The following SLCO3A1 variants were observed in gnomAD, a reference collection of about 807,000 sequenced individuals.
SLCO3A1 encodes solute carrier organic anion transporter family member 3A1.
A neutral mutation model predicts 63.1 loss-of-function variants in SLCO3A1; 27 were observed. The ratio of observed to expected loss-of-function variants is 0.43; its 90% CI spans 0.32 to 0.59. The LOEUF (loss-of-function observed/expected upper bound fraction) is 0.59. SLCO3A1 is among the 20% of genes least tolerant of loss of function. The pLI, the probability that SLCO3A1 is intolerant of heterozygous loss-of-function variation, is 0.09. For synonymous variants in SLCO3A1, 473 were observed against 409.9 expected (o/e 1.15, Z -1.86); for missense variants, 773 against 945.8 (o/e 0.82, Z 2.40).
At chr15:92,039,172 A>G (rs963229418) in intron 2 of SLCO3A1, among the ~76,000 whole-genome samples, 4 of 152,246 alleles carry the variant, frequency 2.6e-5, no homozygotes, top group African/African-American at 9.6e-5. Flanking sequence ...AGGCATGGGC[A>G]AAGACTTCAT....
chr15:92,113,855 G>T (rs2047759202), intron 4 of SLCO3A1, among the ~76,000 whole-genome samples: 1 of 152,216 alleles, frequency 6.6e-6, no homozygotes, highest in Admixed American at 6.5e-5. Flanking sequence ...TGACATTCTG[G>T]ATTATTGCCC....
At chr15:92,062,957 A>G (rs1260637342) in intron 2 of SLCO3A1, among the ~76,000 whole-genome samples, 1 of 152,252 alleles carries the variant, frequency 6.6e-6, no homozygotes, top group Admixed American at 6.5e-5. Context: ...TTGGAACCTC[A>G]GCATTTCTCA....
intron 2 of SLCO3A1, among the ~76,000 whole-genome samples, chr15:91,984,146 A>T (rs1479420981): frequency 6.6e-6 from 1 of 152,106 alleles, no homozygotes; most frequent in Admixed American, 6.5e-5. Flanking sequence ...TTTCCTGTTT[A>T]ATTGCTTGTC....
In SLCO3A1 at chr15:91,924,171, G is replaced by A. The variant is rs534262460; in HGVS notation, c.646+7713G>A. On this transcript the variant is annotated intron_variant, in intron 2 of 9. Coordinates refer to ENST00000318445, the MANE Select transcript of SLCO3A1 (RefSeq NM_013272.4). ...ATCTGCTCAGGGGTCACAATCTTAAGTGCTGAAGGGGTGCAGCTGATGAAT... is the reference window on the plus strand; with the variant it reads ...ATCTGCTCAGGGGTCACAATCTTAAATGCTGAAGGGGTGCAGCTGATGAAT... Among the ~76,000 whole-genome samples the A allele has an allele frequency of 2.0e-5, 3 of 152,330 alleles. No individual in the cohort carries two copies. The South Asian group carries it at 6.2e-4, about 32-fold the overall frequency.
intron 1 of SLCO3A1, among the ~76,000 whole-genome samples, chr15:91,895,994 A>G (rs975793130): frequency 2.0e-5 from 3 of 152,194 alleles, no homozygotes; most frequent in African/African-American, 7.2e-5. Context: ...TATTCAGTTA[A>G]AAGCACTCAA....
In SLCO3A1 at chr15:91,950,647, G is replaced by A. The variant is rs59863085; in HGVS notation, c.646+34189G>A. ...AATTTCTCATGCACTGCATCTTCCC[G>A]CTGTTTATTTAATGTACATGTTGTC... On this transcript the variant is annotated intron_variant, in intron 2 of 9. Coordinates refer to ENST00000318445, the MANE Select transcript of SLCO3A1 (RefSeq NM_013272.4). This position sits in a 1 kb window ranked among gnomAD's most constrained non-coding sequence, Gnocchi z 4.4. 0.075 allele frequency among the ~76,000 whole-genome samples: 11,359 copies of A among 152,168 alleles called. 1,137 individuals are homozygous for A. The highest frequency in any genetic ancestry group is 0.23 in the African/African-American group (9,484 of 41,458).
intron 5 of SLCO3A1, among the ~76,000 whole-genome samples, chr15:92,122,855 G>A (rs1329785806): frequency 6.6e-6 from 1 of 152,198 alleles, no homozygotes; most frequent in East Asian, 1.9e-4. Context: ...CCTCAATGTG[G>A]TTGAATCTCA....
intron 2 of SLCO3A1, among the ~76,000 whole-genome samples, chr15:91,959,330 C>T (rs1900350636): frequency 6.6e-6 from 1 of 152,066 alleles, no homozygotes; most frequent in Non-Finnish European, 1.5e-5. Flanking sequence ...GTACAGTGAA[C>T]ACTGCTCGGG....
chr15:92,047,491 AT>A lies in SLCO3A1; in HGVS notation c.647-47389del, dbSNP rs1210126584. Among the ~76,000 whole-genome samples the A allele has an allele frequency of 8.9e-4, 17 of 19,074 alleles. 2 individuals are homozygous for A. The East Asian group carries it at 0.015, about 17-fold the overall frequency. The allele number at this position is 19,074 out of a possible 152,430, so 12.5% of individuals were successfully genotyped here. Reference sequence around the variant, plus strand: ...TATATAAATATATATAAATATATATATAAATATATATAAATATATATAAATA... The same window carrying A: ...TATATAAATATATATAAATATATATAAAATATATATAAATATATATAAATA... On this transcript the variant is annotated intron_variant, in intron 2 of 9. Transcript: ENST00000318445.
At chr15:92,064,794 T>C (rs2047129594) in intron 2 of SLCO3A1, among the ~76,000 whole-genome samples, 1 of 152,176 alleles carries the variant, frequency 6.6e-6, no homozygotes, top group Non-Finnish European at 1.5e-5. Flanking sequence ...ATGTTCTCAC[T>C]TATATGTAGG....
intron 2 of SLCO3A1, among the ~76,000 whole-genome samples, chr15:91,924,146 A>G (rs1230797209): frequency 1.3e-5 from 2 of 152,142 alleles, no homozygotes; most frequent in African/African-American, 4.8e-5. Flanking sequence ...CCCCTTCCAC[A>G]TCTGCTCAGG....
chr15:92,091,079 T>G lies in SLCO3A1; in HGVS notation c.647-3802T>G, dbSNP rs143014970. Among the ~76,000 whole-genome samples the G allele has an allele frequency of 2.1e-3, 325 of 152,330 alleles. 2 individuals are homozygous for G. The highest frequency in any genetic ancestry group is 7.3e-3 in the African/African-American group (304 of 41,572). On this transcript the variant is annotated intron_variant, in intron 2 of 9. Transcript: ENST00000318445. ...AAAACCTGGGCAATCCTTCCCACTG[T>G]GCTGCTTTCTAGCAACGTGCTGGGG...
At position 92,055,066 on chromosome 15, in the gene SLCO3A1, C is replaced by T. The variant is rs182632903; in HGVS notation, c.647-39815C>T. ...TGGTTGAACTAGTTTACATTCCCAC[C>T]AACAGTGTAAAAGCATTCCTATTCC... is the stretch of plus-strand genomic sequence containing the variant. On this transcript the variant is annotated intron_variant, in intron 2 of 9. Transcript: ENST00000318445. Among the ~76,000 whole-genome samples, 61 of 152,300 alleles carry T rather than the reference C, an allele frequency of 4.0e-4. 1 individual carries two copies. Among genetic ancestry groups the T allele is most frequent in the Non-Finnish European group, 7.4e-5 (5 of 68,024 alleles).
intron 2 of SLCO3A1, among the ~76,000 whole-genome samples, chr15:91,927,082 G>A (rs1899056442): frequency 6.6e-6 from 1 of 152,022 alleles, no homozygotes; most frequent in South Asian, 2.1e-4. Context: ...CTTACAACAG[G>A]AAGCATATAA....
chr15:92,010,938 C>A (rs1378602881), intron 2 of SLCO3A1, among the ~76,000 whole-genome samples: 2 of 152,232 alleles, frequency 1.3e-5, no homozygotes, highest in African/African-American at 2.4e-5. Context: ...TTGTGTCTTA[C>A]ATGGATCTTC....
rs541496649 is a variant in SLCO3A1 at position 91,982,135 on chromosome 15, C to T, written c.646+65677C>T. 5.3e-5 allele frequency among the ~76,000 whole-genome samples: 8 copies of T among 152,372 alleles called. No homozygotes were observed. In the South Asian group the frequency reaches 8.3e-4, roughly 16 times the overall value. On this transcript the variant is annotated intron_variant, in intron 2 of 9. Transcript: ENST00000318445. ...CTGCCCAAAGAGCTCTTGCCAATGC[C>T]GTGGCTCTTGCTAATATTTGATGAT...
intron 7 of SLCO3A1, among the ~76,000 whole-genome samples, chr15:92,131,675 T>G (rs1483985003): frequency 6.9e-6 from 1 of 145,714 alleles, no homozygotes; most frequent in Non-Finnish European, 1.5e-5. Flanking sequence ...AGCCACTTGG[T>G]AAGTGGAACT....
At chr15:92,130,397 A>G (rs1332917596) in intron 7 of SLCO3A1, among the ~76,000 whole-genome samples, 4 of 152,210 alleles carry the variant, frequency 2.6e-5, no homozygotes, top group African/African-American at 9.7e-5. Flanking sequence ...GGTGTAGGTG[A>G]GGCAAGGAGG....
chr15:92,009,146 G>T (rs1230919938), intron 2 of SLCO3A1, among the ~76,000 whole-genome samples: 4 of 152,200 alleles, frequency 2.6e-5, no homozygotes, highest in Non-Finnish European at 5.9e-5. Flanking sequence ...GCTGCATGCT[G>T]TCCCAAATGT....
Sources: allele counts gnomAD v4.1 joint callset (sites outside exome capture counted in the v4.1 genomes callset), GRCh38; gene constraint gnomAD v4.1.1; non-coding constraint Gnocchi (gnomAD v3.1); transcripts MANE v1.5; gene names NCBI Gene and HGNC (gene_info 2026-07-23, HGNC 2026-07-21).